KIF1A: variants seen among roughly 807,000 people sequenced by gnomAD.
KIF1A encodes the protein kinesin family member 1A.
KIF1A carries 46 observed loss-of-function variants against 227.3 expected under a neutral mutation model. That is an observed-to-expected ratio of 0.20 (90% CI 0.16 to 0.26). The LOEUF (loss-of-function observed/expected upper bound fraction) is 0.26, where lower values mean the gene tolerates loss of function less well. KIF1A is among the 10% of genes least tolerant of loss of function. The probability of loss-of-function intolerance (pLI) is 1.00; values close to 1 mark genes in which losing one functional copy is unlikely to be tolerated. For synonymous variants in KIF1A, 1,022 were observed against 1,012.8 expected (o/e 1.01, Z -0.17); for missense variants, 1,683 against 2,485.9 (o/e 0.68, Z 6.87).
chr2:240,721,428 C>T (rs1259860636), intron 44 of KIF1A, among the ~76,000 whole-genome samples: 1 of 152,248 alleles, frequency 6.6e-6, no homozygotes, highest in Non-Finnish European at 1.5e-5. Context: ...GCAGCAGTTT[C>T]CCAGGCTACA....
At chr2:240,782,683 G>T in intron 9 of KIF1A, 76 bp from the exon 10 acceptor site, 1 of 1,463,946 alleles carries the variant, frequency 6.8e-7, no homozygotes, top group Non-Finnish European at 9.3e-7. Context: ...AAGAGCAGGC[G>T]GCCCGGCTGC....
chr2:240,725,491 C>T lies in KIF1A; in HGVS notation c.4123-87G>A. On this transcript the variant is annotated intron_variant, in intron 39 of 48. Coordinates refer to ENST00000498729, the MANE Select transcript of KIF1A (RefSeq NM_001244008.2). This position sits in a 1 kb window ranked among gnomAD's most constrained non-coding sequence, Gnocchi z 5.8. The stretch of plus-strand genomic sequence containing the variant: ...AGCCTTCTCCTGGGGGCACAATGCC[C>T]AGCACCGACAGGCAGCCCCAGGGCC... 1 of 1,463,340 alleles carries T rather than the reference C, an allele frequency of 6.8e-7. No individual in the cohort carries two copies. The highest frequency in any genetic ancestry group is 9.3e-7 in the Non-Finnish European group (1 of 1,073,118). 90.6% of individuals were successfully genotyped at this position (1,463,340 alleles called of 1,614,324 possible). A position where few individuals can be genotyped will look rare whatever the true frequency, so the allele number is the denominator to read the frequency against.
intron 38 of KIF1A, among the ~76,000 whole-genome samples, chr2:240,734,456 A>G (rs897425329): frequency 3.9e-5 from 6 of 152,304 alleles, no homozygotes; most frequent in East Asian, 1.9e-4. Flanking sequence ...GAAACTACAA[A>G]GCAGCCAAAA....
intron 1 of KIF1A, among the ~76,000 whole-genome samples, chr2:240,806,297 G>T (rs541575902): frequency 2.6e-5 from 4 of 152,214 alleles, no homozygotes; most frequent in Admixed American, 2.6e-4. Flanking sequence ...AATTTGCACC[G>T]GGGTACACTT....
At chr2:240,769,279 C>A in intron 16 of KIF1A, 71 bp from the exon 17 acceptor site, 2 of 1,381,716 alleles carry the variant, frequency 1.4e-6, no homozygotes, top group Non-Finnish European at 2.0e-6. Context: ...CCTGGCTGAC[C>A]AATGGGGGCA....
Position 240,758,812 on chromosome 2 carries a change from C to T in KIF1A, c.2445-315G>A, listed in dbSNP as rs1043623647. On this transcript the variant is annotated intron_variant, in intron 25 of 48. Coordinates refer to ENST00000498729, the MANE Select transcript of KIF1A (RefSeq NM_001244008.2). The surrounding 1 kb of genome is among the most constrained non-coding windows in gnomAD (Gnocchi z 5.2). ...CGGCACTGGGCTGCTGGAAAGCTGG[C>T]GGAGAGGTGGGAAGAGAACCCAAGT... Among the ~76,000 whole-genome samples, 3 of 152,050 alleles carry T rather than the reference C, an allele frequency of 2.0e-5. No individual in the cohort carries two copies. The highest frequency in any genetic ancestry group is 6.5e-5 in the Admixed American group (1 of 15,276).
chr2:240,753,519 A>C (rs2049464240), intron 27 of KIF1A, among the ~76,000 whole-genome samples: 1 of 152,202 alleles, frequency 6.6e-6, no homozygotes, highest in African/African-American at 2.4e-5. Context: ...GAGGAGGCCC[A>C]AGCCCCTCGC....
At chr2:240,727,373 G>A (rs2046140440) in intron 38 of KIF1A, among the ~76,000 whole-genome samples, 1 of 152,192 alleles carries the variant, frequency 6.6e-6, no homozygotes, top group Admixed American at 6.5e-5. Flanking sequence ...GACAGAGGCA[G>A]GGAGGGAGAG....
chr2:240,815,491 C>G (rs2058250739), intron 1 of KIF1A, among the ~76,000 whole-genome samples: 1 of 152,112 alleles, frequency 6.6e-6, no homozygotes, highest in Non-Finnish European at 1.5e-5. Flanking sequence ...ATTCCTAAGC[C>G]AGGCTCAGGA....
At chr2:240,764,739 T>C (rs1446497164) in intron 20 of KIF1A, among the ~76,000 whole-genome samples, 2 of 152,180 alleles carry the variant, frequency 1.3e-5, no homozygotes, top group African/African-American at 4.8e-5. Context: ...TTTCTGCACA[T>C]GTGCTCCACA....
rs1437443065 is a variant in KIF1A at position 240,716,808 on chromosome 2, C to T, written c.*556G>A. 1 of 152,672 alleles carries T rather than the reference C, an allele frequency of 6.5e-6. No individual in the cohort carries two copies. The highest frequency in any genetic ancestry group is 2.4e-5 in the African/African-American group (1 of 41,430). 9.5% of individuals were successfully genotyped at this position (152,672 alleles called of 1,614,324 possible). On this transcript the variant is annotated 3_prime_UTR_variant, in exon 49 of 49. Coordinates refer to ENST00000498729, the MANE Select transcript of KIF1A (RefSeq NM_001244008.2). ...CACCCGTGTGCTAGCCCCAAGGTGC[C>T]CCACTGGTCCAGACAGCTCCTCACT...
At chr2:240,717,903 A>T in intron 48 of KIF1A, 147 bp downstream of exon 48, 2 of 679,100 alleles carry the variant, frequency 2.9e-6, no homozygotes, top group African/African-American at 1.8e-5. Context: ...GGCCCTACTG[A>T]ATGGTCCCCG....
chr2:240,736,958 T>C lies in KIF1A; in HGVS notation c.4007+105A>G. The C allele has an allele frequency of 1.1e-6, 1 of 915,690 alleles. No individual in the cohort carries two copies. The highest frequency in any genetic ancestry group is 1.6e-5 in the African/African-American group (1 of 61,646). 56.7% of individuals were successfully genotyped at this position (915,690 alleles called of 1,614,324 possible). A position where few individuals can be genotyped will look rare whatever the true frequency, so the allele number is the denominator to read the frequency against. On this transcript the variant is annotated intron_variant, in intron 38 of 48. Coordinates refer to ENST00000498729, the MANE Select transcript of KIF1A (RefSeq NM_001244008.2). This position sits in a 1 kb window ranked among gnomAD's most constrained non-coding sequence, Gnocchi z 4.7. ...GCCAGGAGGGAGGGCCGGGAGAGCG[T>C]TGAGCGGGTCACCTTGTGTGGCTGA... is the stretch of plus-strand genomic sequence containing the variant.
intron 10 of KIF1A, among the ~76,000 whole-genome samples, chr2:240,779,084 ACT>A (rs1389388786): frequency 1.3e-5 from 2 of 150,698 alleles, no homozygotes; most frequent in Non-Finnish European, 2.9e-5. Context: ...ACAGTTCCAC[ACT>A]CAGTTCCTCA....
chr2:240,747,296 G>T lies in KIF1A; in HGVS notation c.3003C>A (p.Gly1001=). Residue 1001 remains glycine, a synonymous_variant, in exon 29 of 49, where the codon GGC becomes GGA. Transcript: ENST00000498729. The part of the protein sequence containing the change: ...ISADEEAPDY[G]SGVRQSGTAK... The stretch of plus-strand genomic sequence containing the variant: ...CAGTTCCCGACTGGCGGACGCCAGA[G>T]CCATAATCAGGGGCCTCTTCATCGG... 6.2e-7 allele frequency: 1 copy of T among 1,613,436 alleles called. No individual in the cohort carries two copies. The highest frequency in any genetic ancestry group is 8.5e-7 in the Non-Finnish European group (1 of 1,179,596).
chr2:240,816,447 C>T (rs1054106871), intron 1 of KIF1A, among the ~76,000 whole-genome samples: 1 of 152,040 alleles, frequency 6.6e-6, no homozygotes, highest in Admixed American at 6.5e-5. Context: ...GCTCTGGACC[C>T]CTCCAGGGCA....
Position 240,766,875 on chromosome 2 carries a change from A to T in KIF1A, c.1684+40T>A. On this transcript the variant is annotated intron_variant, in intron 19 of 48. Coordinates refer to ENST00000498729, the MANE Select transcript of KIF1A (RefSeq NM_001244008.2). The surrounding 1 kb of genome is among the most constrained non-coding windows in gnomAD (Gnocchi z 5.0). ...CATTCAGGCCTGATCATCACGGCAC[A>T]GGGGCATGGGTGCGGGTAGGGACGG... 1 of 1,422,640 alleles carries T rather than the reference A, an allele frequency of 7.0e-7. No homozygotes were observed. The highest frequency in any genetic ancestry group is 9.8e-7 in the Non-Finnish European group (1 of 1,023,352). 88.1% of individuals were successfully genotyped at this position (1,422,640 alleles called of 1,614,324 possible). A position where few individuals can be genotyped will look rare whatever the true frequency, so the allele number is the denominator to read the frequency against.
At position 240,775,959 on chromosome 2, in the gene KIF1A, A is replaced by G; in HGVS notation, c.883-33T>C. On this transcript the variant is annotated intron_variant, in intron 10 of 48. Transcript: ENST00000498729. This position sits in a 1 kb window ranked among gnomAD's most constrained non-coding sequence, Gnocchi z 5.5. ...GGAGGAACATTCAAGGTCAAGCCCG[A>G]GCCCACTGCAGAGGAAGCGAAAGGG... The G allele has an allele frequency of 6.9e-7, 1 of 1,454,074 alleles. No homozygotes were observed. Among genetic ancestry groups the G allele is most frequent in the Non-Finnish European group, 9.7e-7 (1 of 1,034,570 alleles). 90.1% of individuals were successfully genotyped at this position (1,454,074 alleles called of 1,614,324 possible). A position where few individuals can be genotyped will look rare whatever the true frequency, so the allele number is the denominator to read the frequency against.
chr2:240,737,194 G>T, intron 37 of KIF1A, 26 bp from the exon 38 acceptor site: 3 of 1,598,830 alleles, frequency 1.9e-6, no homozygotes, highest in Non-Finnish European at 2.6e-6. Flanking sequence ...CGGGCCACAG[G>T]TCACTTCCCA....
Sources: gnomAD v4.1 joint callset for allele counts (sites outside exome capture counted in the v4.1 genomes callset) on GRCh38, gnomAD v4.1.1 for gene constraint, Gnocchi (gnomAD v3.1) non-coding constraint, MANE v1.5 for transcripts, NCBI Gene and HGNC (gene_info 2026-07-23, HGNC 2026-07-21) for gene names.